The following SLK variants were observed in gnomAD, a reference collection of about 807,000 sequenced individuals.
The protein encoded by SLK is STE20-like serine/threonine-protein kinase.
SLK carries 67 observed loss-of-function variants against 147.7 expected under a neutral mutation model. The observed-to-expected ratio is 0.45, with a 90% CI of 0.37 to 0.56. The LOEUF (loss-of-function observed/expected upper bound fraction) is 0.56. Ranked by LOEUF, SLK falls within the 20% of genes least tolerant of loss-of-function variation. The pLI, the probability that SLK is intolerant of heterozygous loss-of-function variation, is 0.00. For missense variants in SLK, 1,136 were observed against 1,438.8 expected (o/e 0.79, Z 3.41); for synonymous variants, 441 against 475.0 (o/e 0.93, Z 0.93).
At chr10:104,022,217 A>G (rs1466836177) in intron 18 of SLK, among the ~76,000 whole-genome samples, 3 of 152,136 alleles carry the variant, frequency 2.0e-5, no homozygotes, top group African/African-American at 7.2e-5. Context: ...TGTAGTCATT[A>G]GGGAGGAAGA....
chr10:104,001,703 G>A, intron 8 of SLK, 131 bp downstream of exon 8: 1 of 941,438 alleles, frequency 1.1e-6, no homozygotes, highest in Non-Finnish European at 1.6e-6. Context: ...TAGTAGCAAG[G>A]TTGCTCGTCG....
chr10:103,989,464 CTTTTTT>C (rs68033075), intron 1 of SLK, among the ~76,000 whole-genome samples: 10 of 78,584 alleles, frequency 1.3e-4, no homozygotes, highest in East Asian at 7.9e-4. Flanking sequence ...GTGGCAGTTT[CTTTTTT>C]TTTTTTTTTT....
At chr10:104,011,025 C>T in intron 13 of SLK, 117 bp downstream of exon 13, 1 of 519,264 alleles carries the variant, frequency 1.9e-6, no homozygotes, top group Non-Finnish European at 3.2e-6. Context: ...TTGACTTCTC[C>T]CCATTCAAAA....
rs1190865688 is a variant in SLK at position 104,025,875 on chromosome 10, T to TAA, written c.*156_*157dup. On this transcript the variant is annotated 3_prime_UTR_variant, in exon 19 of 19. Transcript: ENST00000369755. ...TGTTTTTTTTGTTTTGTTTTGTTTT[T>TAA]AAGCAAAGATGAAGGGAAAACGAAC... 3.1e-6 allele frequency: 2 copies of TAA among 645,634 alleles called. No individual in the cohort carries two copies. The highest frequency in any genetic ancestry group is 5.8e-5 in the East Asian group (2 of 34,272). 40.0% of individuals were successfully genotyped at this position (645,634 alleles called of 1,614,324 possible).
intron 13 of SLK, among the ~76,000 whole-genome samples, chr10:104,014,641 T>C (rs1025053051): frequency 5.3e-5 from 8 of 152,328 alleles, no homozygotes; most frequent in Admixed American, 4.6e-4. Context: ...TTTGTTTTCA[T>C]TTAAAATGAT....
At chr10:103,977,881 T>C (rs1417991661) in intron 1 of SLK, among the ~76,000 whole-genome samples, 2 of 152,208 alleles carry the variant, frequency 1.3e-5, no homozygotes, top group Non-Finnish European at 2.9e-5. Context: ...AATGTTGATA[T>C]GTAAAAAAAG....
chr10:104,018,831 A>T lies in SLK; in HGVS notation c.3055A>T (p.Lys1019Ter). The T allele has an allele frequency of 6.2e-7, 1 of 1,613,394 alleles. No individual in the cohort carries two copies. The highest frequency in any genetic ancestry group is 2.2e-5 in the East Asian group (1 of 44,854). Residue 1019 changes from lysine (K) to a stop codon, truncating the protein, a stop_gained, in exon 15 of 19, where the codon AAA (lysine) becomes TAA (stop). Transcript: ENST00000369755. LOFTEE classifies it high-confidence loss of function. Reference sequence around the variant, plus strand: ...GCTCGAAGAACGACACTTACAAGAAAAACACCAGCTGCTCAAACAGCAGCT... The same window carrying T: ...GCTCGAAGAACGACACTTACAAGAATAACACCAGCTGCTCAAACAGCAGCT... The part of the protein sequence containing the change: ...WELEERHLQE[K>*]HQLLKQQLKD...
In SLK at chr10:104,002,776, A is replaced by G. The variant is rs1161954722; in HGVS notation, c.1598A>G (p.Glu533Gly). The G allele has an allele frequency of 6.2e-7, 1 of 1,613,948 alleles. No individual in the cohort carries two copies. Among genetic ancestry groups the G allele is most frequent in the East Asian group, 2.2e-5 (1 of 44,898 alleles). The change falls in exon 9 of 19, where the codon GAA becomes GGA. Residue 533 changes from glutamate to glycine, a missense_variant. Physicochemically the swap from Glu to Gly is moderately conservative, Grantham distance 98. Transcript: ENST00000369755. ...TKEDTQEKLG[E>G]DDKTQKDVIS... ...GAAGACACCCAAGAGAAATTGGGGG[A>G]AGACGACAAAACTCAAAAAGATGTG...
chr10:103,994,032 C>G (rs1245253312), intron 4 of SLK, among the ~76,000 whole-genome samples: 1 of 152,038 alleles, frequency 6.6e-6, no homozygotes, highest in Non-Finnish European at 1.5e-5. Flanking sequence ...GTAGCTGGAA[C>G]TGCAGGCATG....
chr10:103,978,031 A>G (rs1282872769), intron 1 of SLK, among the ~76,000 whole-genome samples: 1 of 151,854 alleles, frequency 6.6e-6, no homozygotes, highest in Non-Finnish European at 1.5e-5. Flanking sequence ...TCATTTTCTT[A>G]AGGATTTTCT....
At chr10:103,984,218 AAAT>A (rs757832622) in intron 1 of SLK, among the ~76,000 whole-genome samples, 1 of 152,196 alleles carries the variant, frequency 6.6e-6, no homozygotes, top group Non-Finnish European at 1.5e-5. Flanking sequence ...AACATACTTG[AAAT>A]AATTTGAGAT....
Position 104,002,155 on chromosome 10 carries a change from C to T in SLK, c.994-17C>T. 1.9e-6 allele frequency: 3 copies of T among 1,544,252 alleles called. No individual in the cohort carries two copies. Among genetic ancestry groups the T allele is most frequent in the Non-Finnish European group, 2.6e-6 (3 of 1,146,074 alleles). On this transcript the variant is annotated splice_polypyrimidine_tract_variant and intron_variant, in intron 8 of 18. Transcript: ENST00000369755. ...AGGTCATGTTTTAACACTAAAAATA[C>T]ATTAAATCTTTTTTAGCCAATACCT... is the stretch of plus-strand genomic sequence containing the variant.
rs2296218 is a variant in SLK at position 104,020,653 on chromosome 10, G to A, written c.3447+40G>A. The A allele has an allele frequency of 3.2e-5, 51 of 1,587,512 alleles. No individual in the cohort carries two copies. In the East Asian group the frequency reaches 1.0e-3, roughly 31 times the overall value. On this transcript the variant is annotated intron_variant, in intron 17 of 18. Coordinates refer to ENST00000369755, the MANE Select transcript of SLK (RefSeq NM_014720.4). The stretch of plus-strand genomic sequence containing the variant: ...CCTGACAGCAAAGCCCATAGGATGC[G>A]GCAGCACAAGTGGCTGCTTTTGAGA...
At chr10:104,021,926 A>G (rs1844540389) in intron 18 of SLK, among the ~76,000 whole-genome samples, 193 bp downstream of exon 18, 1 of 152,134 alleles carries the variant, frequency 6.6e-6, no homozygotes, top group Non-Finnish European at 1.5e-5. Context: ...ATTGCTCTGA[A>G]GGAGGTGAGT....
chr10:103,993,312 TATC>T (rs1844125387), intron 4 of SLK, among the ~76,000 whole-genome samples, 179 bp downstream of exon 4: 2 of 152,138 alleles, frequency 1.3e-5, no homozygotes, highest in Non-Finnish European at 2.9e-5. Flanking sequence ...AATTTCTAAA[TATC>T]AGCACCTAAT....
At chr10:104,005,852 AC>A in intron 10 of SLK, 59 bp from the exon 11 acceptor site, 3 of 1,550,502 alleles carry the variant, frequency 1.9e-6, no homozygotes, top group Non-Finnish European at 2.6e-6. Context: ...TTAAAAAAAA[AC>A]GTATTTCAGA....
At chr10:104,018,080 C>G in intron 13 of SLK, 80 bp from the exon 14 acceptor site, 1 of 1,179,312 alleles carries the variant, frequency 8.5e-7, no homozygotes, top group Non-Finnish European at 1.2e-6. Context: ...TTGTTAACCA[C>G]TAATATATAC....
intron 1 of SLK, among the ~76,000 whole-genome samples, chr10:103,976,059 T>C (rs1223633156): frequency 6.6e-6 from 1 of 152,164 alleles, no homozygotes; most frequent in East Asian, 1.9e-4. Context: ...CCTGCTACCA[T>C]GCCCAGCTAA....
intron 16 of SLK, 56 bp from the exon 17 acceptor site, chr10:104,020,432 A>G (rs1240797204): frequency 4.6e-6 from 7 of 1,512,570 alleles, no homozygotes; most frequent in Middle Eastern, 1.8e-4. Flanking sequence ...TATCTTCAGA[A>G]TATATAGAAA....
Sources: allele counts gnomAD v4.1 joint callset (sites outside exome capture counted in the v4.1 genomes callset), GRCh38; gene constraint gnomAD v4.1.1; transcripts MANE v1.5; gene names NCBI Gene and HGNC (gene_info 2026-07-23, HGNC 2026-07-21).